The following SLC7A4 variants were observed in gnomAD, a reference collection of about 807,000 sequenced individuals.
SLC7A4 encodes cationic amino acid transporter 4.
A neutral mutation model predicts 37.8 loss-of-function variants in SLC7A4; 30 were observed. The observed-to-expected ratio is 0.79, with a 90% CI of 0.59 to 1.08. The LOEUF is 1.08. Among genes scored for constraint, SLC7A4 ranks in the 50% least tolerant of loss-of-function variants. SLC7A4 has a pLI of 0.00. For missense variants in SLC7A4, 839 were observed against 843.2 expected, an observed-to-expected ratio of 1.00 and a Z score of 0.06; for synonymous variants, 359 against 376.5, an observed-to-expected ratio of 0.95 and a Z score of 0.54.
Position 21,030,048 on chromosome 22 carries a change from C to A in SLC7A4, c.1286G>T (p.Gly429Val). The change falls in exon 3 of 5, where the codon GGC (glycine) becomes GTC (valine). Residue 429 changes from glycine (G) to valine (V), a missense_variant. Transcript: ENST00000382932. ...GGAGCTCTGCTGCTTGGTCAGGGGG[C>A]CAGGGCTGGCTGGGCCTGGGGAGCT... ...PPSSPGPASP[G>V]PLTKQQSSFS... 3 of 1,611,150 alleles carry A rather than the reference C, an allele frequency of 1.9e-6. No individual in the cohort carries two copies. The highest frequency in any genetic ancestry group is 2.5e-6 in the Non-Finnish European group (3 of 1,179,402).
At chr22:21,032,170 C>T (rs375150319) in intron 1 of SLC7A4, among the ~76,000 whole-genome samples, 15 of 152,272 alleles carry the variant, frequency 9.9e-5, no homozygotes, top group Non-Finnish European at 1.6e-4. Flanking sequence ...AGGCTGGGAA[C>T]GGCTCAGTGG....
At chr22:21,032,509 C>G (rs1328537102) in intron 1 of SLC7A4, 22 bp downstream of exon 1, 1 of 153,860 alleles carries the variant, frequency 6.5e-6, no homozygotes, top group Non-Finnish European at 1.4e-5. Context: ...TCCCCGTCCC[C>G]GCAGGATCTG....
At position 21,030,114 on chromosome 22, in the gene SLC7A4, G is replaced by A; in HGVS notation, c.1220C>T (p.Thr407Ile). The change falls in exon 3 of 5, where the codon ACC (threonine) becomes ATC (isoleucine). Residue 407 changes from threonine to isoleucine, a missense_variant. Thr to Ile is a moderately conservative substitution (Grantham distance 89, BLOSUM62 -1). Transcript: ENST00000382932. ...GTLLAYTFVA[T>I]SIIVLRFQKS... ...CTGGAAGCGCAGCACAATGATACTG[G>A]TGGCCACGAATGTGTAGGCCAGGAG... The A allele has an allele frequency of 6.2e-7, 1 of 1,613,362 alleles. No individual in the cohort carries two copies. Among genetic ancestry groups the A allele is most frequent in the Admixed American group, 1.7e-5 (1 of 59,846 alleles).
rs1453986610 is a variant in SLC7A4 at position 21,030,089 on chromosome 22, C to G, written c.1245G>C (p.Gln415His). The change falls in exon 3 of 5, where the codon CAG (glutamine) becomes CAC (histidine). Residue 415 changes from glutamine (Q) to histidine (H), a missense_variant. Transcript: ENST00000382932. ...CTGGGGAGCTGGGCGGGGAAGACTT[C>G]TGGAAGCGCAGCACAATGATACTGG... is the stretch of plus-strand genomic sequence containing the variant. ...VATSIIVLRFQKSSPPSSPGP... is the reference protein window; with the variant it reads ...VATSIIVLRFHKSSPPSSPGP... 1 of 1,612,520 alleles carries G rather than the reference C, an allele frequency of 6.2e-7. No individual in the cohort carries two copies. Among genetic ancestry groups the G allele is most frequent in the East Asian group, 2.2e-5 (1 of 44,822 alleles).
Position 21,029,424 on chromosome 22 carries a change from A to C in SLC7A4, c.1644T>G (p.Ile548Met), listed in dbSNP as rs1224467594. ...TGTTGAGGACGATGCTCAGGGCTGG[A>C]ATCAGGGGAACCATGGGGATCTGAG... is the stretch of plus-strand genomic sequence containing the variant. ...DLFQIPMVPLIPALSIVLNIC... is the reference protein window; with the variant it reads ...DLFQIPMVPLMPALSIVLNIC... Residue 548 changes from isoleucine (I) to methionine (M), a missense_variant, in exon 4 of 5, where the codon ATT becomes ATG. Transcript: ENST00000382932. The C allele has an allele frequency of 2.5e-6, 4 of 1,613,020 alleles. No homozygotes were observed. In the Admixed American group the frequency reaches 6.7e-5, roughly 27 times the overall value.
At position 21,031,234 on chromosome 22, in the gene SLC7A4, C is replaced by A; in HGVS notation, c.579G>T (p.Trp193Cys). Residue 193 changes from tryptophan (W) to cysteine (C), a missense_variant, in exon 2 of 5, where the codon TGG (tryptophan) becomes TGT (cysteine). Physicochemically the swap from Trp to Cys is radical, Grantham distance 215. Coordinates refer to ENST00000382932, the MANE Select transcript of SLC7A4 (RefSeq NM_004173.3). Reference sequence around the variant, plus strand: ...TGATGGCCGAGAAGGTGTGATTGAGCCAGGAGGACACGCGGGCTCCACAGG... The same window carrying A: ...TGATGGCCGAGAAGGTGTGATTGAGACAGGAGGACACGCGGGCTCCACAGG... ...FVSCGARVSS[W>C]LNHTFSAISL... 6.2e-7 allele frequency: 1 copy of A among 1,613,638 alleles called. No individual in the cohort carries two copies. Among genetic ancestry groups the A allele is most frequent in the Non-Finnish European group, 8.5e-7 (1 of 1,179,852 alleles).
intron 4 of SLC7A4, 25 bp downstream of exon 4, chr22:21,029,311 C>T (rs765188295): frequency 1.7e-5 from 28 of 1,610,982 alleles, no homozygotes; most frequent in East Asian, 6.7e-5. Context: ...CTCCTGACCC[C>T]GGTCCCAGCC....
In SLC7A4 at chr22:21,029,052, C is replaced by G. The variant is rs140809496; in HGVS notation, c.*3G>C. 3 of 1,602,356 alleles carry G rather than the reference C, an allele frequency of 1.9e-6. No homozygotes were observed. The highest frequency in any genetic ancestry group is 1.7e-6 in the Non-Finnish European group (2 of 1,175,800). On this transcript the variant is annotated 3_prime_UTR_variant, in exon 5 of 5. Coordinates refer to ENST00000382932, the MANE Select transcript of SLC7A4 (RefSeq NM_004173.3). Reference sequence around the variant, plus strand: ...GAGGGCGGGGCAAGTGTGGGCTGATCAGCTACTCCATATGGCCAGGGTCCT... The same window carrying G: ...GAGGGCGGGGCAAGTGTGGGCTGATGAGCTACTCCATATGGCCAGGGTCCT...
rs751004718 is a variant in SLC7A4 at position 21,030,335 on chromosome 22, C to T, written c.999G>A (p.Leu333=). 1 of 1,608,052 alleles carries T rather than the reference C, an allele frequency of 6.2e-7. No individual in the cohort carries two copies. ...GTGGCAGGGAGAAGAGGAGGCTGAG[C>T]AGGACGGTGTTCATGGCTGTAGCAG... ...AGSICAMNTV[L]LSLLFSLPRI... The change falls in exon 3 of 5, where the codon CTG becomes CTA. Residue 333 remains leucine, a synonymous_variant. Coordinates refer to ENST00000382932, the MANE Select transcript of SLC7A4 (RefSeq NM_004173.3).
At position 21,031,406 on chromosome 22, in the gene SLC7A4, GC is replaced by G. The variant is rs756893357; in HGVS notation, c.406del (p.Ala136ProfsTer155). The G allele has an allele frequency of 1.9e-5, 30 of 1,607,312 alleles. No individual in the cohort carries two copies. The South Asian group carries it at 3.2e-4, about 17-fold the overall frequency. On this transcript the variant is annotated frameshift_variant, in exon 2 of 5. Transcript: ENST00000382932. LOFTEE classifies it high-confidence loss of function. ...CATAGAGTCCAGGTAGCCACTCCAG[GC>G]ACGGGCCACGGCGGCGCCACCGATG... ...YIIGGAAVAR[A>X]WSGYLDSMFS...
Position 21,029,147 on chromosome 22 carries a change from C to T in SLC7A4, c.1816G>A (p.Val606Met), listed in dbSNP as rs369383063. ...ELPGLNSTHYVVFPRGSLEET... is the reference protein window; with the variant it reads ...ELPGLNSTHYMVFPRGSLEET... ...TCCAGGCTGCCCCTGGGGAATACCA[C>T]GTAGTGTGTGGAGTTCAGCCCTGGC... is the stretch of plus-strand genomic sequence containing the variant. Residue 606 changes from valine to methionine, a missense_variant, in exon 5 of 5, where the codon GTG becomes ATG. Val to Met is a conservative substitution (Grantham distance 21). Transcript: ENST00000382932. 2.5e-5 allele frequency: 40 copies of T among 1,613,894 alleles called. No homozygotes were observed. Among genetic ancestry groups the T allele is most frequent in the Non-Finnish European group, 3.1e-5 (37 of 1,180,028 alleles).
rs1243356887 is a variant in SLC7A4, at chr22:21,029,000, CCT to C, written c.*53_*54del. On this transcript the variant is annotated 3_prime_UTR_variant, in exon 5 of 5. Coordinates refer to ENST00000382932, the MANE Select transcript of SLC7A4 (RefSeq NM_004173.3). ...CAGAAGGGGCTCTCGGCTTGTCTGG[CCT>C]CTCTGGCCTCCCAAGCAGGTGTGGG... 2 of 1,524,132 alleles carry C rather than the reference CCT, an allele frequency of 1.3e-6. No homozygotes were observed. The highest frequency in any genetic ancestry group is 1.8e-6 in the Non-Finnish European group (2 of 1,139,136). The allele number at this position is 1,524,132 out of a possible 1,614,324, so 94.4% of individuals were successfully genotyped here.
chr22:21,030,373 G>A (rs1186629637), intron 2 of SLC7A4, 22 bp from the exon 3 acceptor site: 1 of 1,575,296 alleles, frequency 6.3e-7, no homozygotes, highest in Non-Finnish European at 8.6e-7. Flanking sequence ...AGAGTGGGGA[G>A]GGTCAGCATG....
chr22:21,028,829 A>C lies in SLC7A4; in HGVS notation c.*226T>G, dbSNP rs2066394539. 2.2e-6 allele frequency: 1 copy of C among 462,534 alleles called. No homozygotes were observed. The highest frequency in any genetic ancestry group is 3.7e-5 in the Admixed American group (1 of 27,096). The allele number at this position is 462,534 out of a possible 1,614,324, so 28.7% of individuals were successfully genotyped here. On this transcript the variant is annotated 3_prime_UTR_variant, in exon 5 of 5. Transcript: ENST00000382932. ...GCCCAGGTAGCTGGAGCTGATCATA[A>C]ACAAGAAGGCTCTGGGCAGAGTCCA...
In SLC7A4 at chr22:21,029,015, A is replaced by C; in HGVS notation, c.*40T>G. ...GCTTGTCTGGCCTCTCTGGCCTCCC[A>C]AGCAGGTGTGGGAGGGCGGGGCAAG... On this transcript the variant is annotated 3_prime_UTR_variant, in exon 5 of 5. Transcript: ENST00000382932. 6.4e-7 allele frequency: 1 copy of C among 1,552,566 alleles called. No individual in the cohort carries two copies. Among genetic ancestry groups the C allele is most frequent in the South Asian group, 1.2e-5 (1 of 82,416 alleles).
chr22:21,030,497 AAT>A lies in SLC7A4; in HGVS notation c.983-148_983-147del, dbSNP rs1175616659. 3.1e-5 allele frequency: 28 copies of A among 893,904 alleles called. 1 individual carries two copies. The South Asian group carries it at 4.8e-4, about 15-fold the overall frequency. 55.4% of individuals were successfully genotyped at this position (893,904 alleles called of 1,614,324 possible). On this transcript the variant is annotated intron_variant, in intron 2 of 4. Coordinates refer to ENST00000382932, the MANE Select transcript of SLC7A4 (RefSeq NM_004173.3). ...AGTAAGCATGAGTTTGTGTAGGAGT[AAT>A]AGATTGTCAGCGCTTTGCCCAAGAA...
At chr22:21,031,895 C>T (rs1224660138) in intron 1 of SLC7A4, 43 bp from the exon 2 acceptor site, 7 of 1,371,916 alleles carry the variant, frequency 5.1e-6, no homozygotes, top group Non-Finnish European at 6.6e-6. Flanking sequence ...TAGCCGGGGC[C>T]TGACCAGCCT....
rs111283358 is a variant in SLC7A4 at position 21,029,638 on chromosome 22, C to A, written c.1623+73G>T. ...CCCAGCCCCGTGAGACTTGTTCATT[C>A]TGGGATGGTAGTGGGGGAAGGGGAG... On this transcript the variant is annotated intron_variant, in intron 3 of 4. Transcript: ENST00000382932. 5,442 of 1,499,352 alleles carry A rather than the reference C, an allele frequency of 3.6e-3. 154 individuals carry two copies. The African/African-American group carries it at 0.061, about 17-fold the overall frequency. The allele number at this position is 1,499,352 out of a possible 1,614,324, so 92.9% of individuals were successfully genotyped here. A position where few individuals can be genotyped will look rare whatever the true frequency, so the allele number is the denominator to read the frequency against.
rs183978791 is a variant in SLC7A4, at chr22:21,028,791, C to T, written c.*264G>A. On this transcript the variant is annotated 3_prime_UTR_variant, in exon 5 of 5. Coordinates refer to ENST00000382932, the MANE Select transcript of SLC7A4 (RefSeq NM_004173.3). ...CTTGGGCTGTGGGCCTTCCCATCCA[C>T]CCCACCACAACTGCCCAGGTAGCTG... 5.8e-5 allele frequency: 23 copies of T among 394,484 alleles called. No individual in the cohort carries two copies. The Admixed American group carries it at 6.9e-4, about 12-fold the overall frequency. 24.4% of individuals were successfully genotyped at this position (394,484 alleles called of 1,614,324 possible).
Sources: allele counts gnomAD v4.1 joint callset (sites outside exome capture counted in the v4.1 genomes callset), GRCh38; gene constraint gnomAD v4.1.1; transcripts MANE v1.5; gene names NCBI Gene and HGNC (gene_info 2026-07-23, HGNC 2026-07-21).